ATXN1: variants seen among roughly 807,000 people sequenced by gnomAD.
ATXN1 encodes ataxin-1.
Under a neutral mutation model 56.4 loss-of-function variants are expected in ATXN1, and 8 were observed. The ratio of observed to expected loss-of-function variants is 0.14; its 90% CI spans 0.08 to 0.26. The LOEUF (loss-of-function observed/expected upper bound fraction) is 0.26. ATXN1 is among the 10% of genes least tolerant of loss of function. ATXN1 has a pLI of 1.00. For missense variants in ATXN1, 987 were observed against 1,106.5 expected (o/e 0.89, Z 1.53); for synonymous variants, 514 against 494.6 (o/e 1.04, Z -0.52).
chr6:16,319,021 A>G (rs2113394487), intron 7 of ATXN1, among the ~76,000 whole-genome samples: 1 of 152,268 alleles, frequency 6.6e-6, no homozygotes, highest in African/African-American at 2.4e-5. Context: ...GTTCAAGAGC[A>G]GCCTGGGCAA....
chr6:16,479,934 T>C (rs1236246336), intron 6 of ATXN1, among the ~76,000 whole-genome samples: 2 of 152,030 alleles, frequency 1.3e-5, no homozygotes, highest in African/African-American at 2.4e-5. Context: ...GGCAGATCAC[T>C]TGAGCTCAAG....
At chr6:16,738,438 C>G (rs918260813) in intron 2 of ATXN1, 4 of 152,060 alleles carry the variant, frequency 2.6e-5, no homozygotes, top group South Asian at 2.1e-4. Flanking sequence ...AGGGAGCCAT[C>G]ATGAGGAGAA....
rs182107266 is a variant in ATXN1, at chr6:16,713,712, C to T, written c.-615+39521G>A. 2.4e-4 allele frequency among the ~76,000 whole-genome samples: 36 copies of T among 152,314 alleles called. 1 individual carries two copies. The East Asian group carries it at 4.4e-3, about 19-fold the overall frequency. On this transcript the variant is annotated intron_variant, in intron 2 of 7. Coordinates refer to ENST00000436367, the MANE Select transcript of ATXN1 (RefSeq NM_001128164.2). Reference sequence around the variant, plus strand: ...CCTGGGGCCAGCAGCATCAGTTTCACGGAGGGATTTGTCAGAAATACATAT... The same window carrying T: ...CCTGGGGCCAGCAGCATCAGTTTCATGGAGGGATTTGTCAGAAATACATAT...
At chr6:16,735,659 C>T (rs903233183) in intron 2 of ATXN1, among the ~76,000 whole-genome samples, 1 of 152,084 alleles carries the variant, frequency 6.6e-6, no homozygotes, top group African/African-American at 2.4e-5. Context: ...CTACCACTCA[C>T]CTGTAGGTGT....
intron 2 of ATXN1, chr6:16,738,627 T>C (rs1234138892): frequency 1.3e-5 from 2 of 152,222 alleles, no homozygotes; most frequent in African/African-American, 4.8e-5. Context: ...CTGAATTATT[T>C]ATAGTTGCAA....
chr6:16,528,190 A>C (rs1191983537), intron 4 of ATXN1, among the ~76,000 whole-genome samples: 1 of 151,698 alleles, frequency 6.6e-6, no homozygotes, highest in Non-Finnish European at 1.5e-5. Flanking sequence ...AATCCCAGCT[A>C]CTCGGGAGGC....
chr6:16,605,854 G>A (rs952957691), intron 3 of ATXN1, among the ~76,000 whole-genome samples: 2 of 152,194 alleles, frequency 1.3e-5, no homozygotes, highest in Admixed American at 6.5e-5. Flanking sequence ...CTGACCAGGT[G>A]TAGTGTCTCA....
intron 5 of ATXN1, among the ~76,000 whole-genome samples, chr6:16,491,080 G>A (rs866984982): frequency 3.4e-5 from 5 of 145,122 alleles, no homozygotes; most frequent in Admixed American, 1.4e-4. Flanking sequence ...GAAGTTAGAC[G>A]GATCCCTGGA....
chr6:16,645,435 T>C (rs994961944), intron 3 of ATXN1, among the ~76,000 whole-genome samples: 4 of 152,190 alleles, frequency 2.6e-5, no homozygotes, highest in Admixed American at 2.6e-4. Flanking sequence ...GGGCTTTCGT[T>C]TCCTTAAAAG....
intron 4 of ATXN1, among the ~76,000 whole-genome samples, chr6:16,553,059 G>A (rs1441862865): frequency 2.6e-5 from 4 of 152,184 alleles, no homozygotes; most frequent in Non-Finnish European, 5.9e-5. Context: ...TTCCGCTTTC[G>A]TTCAGGCTAT....
rs536721649 is a variant in ATXN1, at chr6:16,760,196, G to A, written c.-730+1102C>T. 1.3e-5 allele frequency among the ~76,000 whole-genome samples: 2 copies of A among 151,928 alleles called. No individual in the cohort carries two copies. Among genetic ancestry groups the A allele is most frequent in the African/African-American group, 4.8e-5 (2 of 41,476 alleles). On this transcript the variant is annotated intron_variant, in intron 1 of 7. Coordinates refer to ENST00000436367, the MANE Select transcript of ATXN1 (RefSeq NM_001128164.2). The surrounding 1 kb of genome is among the most constrained non-coding windows in gnomAD (Gnocchi z 5.3). ...GCCCGGCCCAGAGTGAACGAGCAGT[G>A]GGGCTCCAGGGCGCATCCCAATCCC... is the stretch of plus-strand genomic sequence containing the variant.
At chr6:16,308,368 A>T (rs142981911) in intron 7 of ATXN1, among the ~76,000 whole-genome samples, 18 of 139,710 alleles carry the variant, frequency 1.3e-4, no homozygotes, top group East Asian at 8.0e-4. Flanking sequence ...ACACACACAC[A>T]CTTCCTGGGT....
chr6:16,520,318 C>G (rs1333588008), intron 5 of ATXN1, among the ~76,000 whole-genome samples: 1 of 152,140 alleles, frequency 6.6e-6, no homozygotes, highest in Admixed American at 6.5e-5. Context: ...TGGCTTCTAT[C>G]TGTGTTTAGT....
At chr6:16,729,452 T>A (rs1327271662) in intron 2 of ATXN1, among the ~76,000 whole-genome samples, 3 of 152,204 alleles carry the variant, frequency 2.0e-5, no homozygotes, top group Non-Finnish European at 4.4e-5. Context: ...ACCCTGAAAC[T>A]GCATCTGGGA....
At chr6:16,579,307 G>A (rs1762480473) in intron 4 of ATXN1, among the ~76,000 whole-genome samples, 1 of 152,168 alleles carries the variant, frequency 6.6e-6, no homozygotes, top group South Asian at 2.1e-4. Flanking sequence ...GGGGAAAACA[G>A]AAACAGTGAC....
At chr6:16,386,145 C>G (rs1015388995) in intron 6 of ATXN1, among the ~76,000 whole-genome samples, 1 of 152,146 alleles carries the variant, frequency 6.6e-6, no homozygotes, top group Admixed American at 6.5e-5. Flanking sequence ...TTATTTTTTC[C>G]AGCAAAGAAG....
chr6:16,444,053 T>C (rs536946597), intron 6 of ATXN1, among the ~76,000 whole-genome samples: 3 of 151,600 alleles, frequency 2.0e-5, no homozygotes, highest in Non-Finnish European at 2.9e-5. Flanking sequence ...GAGGTGGAGC[T>C]TGCAGTGAGC....
Position 16,358,699 on chromosome 6 carries a change from G to T in ATXN1, c.-160-30229C>A, listed in dbSNP as rs111516255. 2.8e-3 allele frequency among the ~76,000 whole-genome samples: 434 copies of T among 152,320 alleles called. 6 individuals are homozygous for T. Among genetic ancestry groups the T allele is most frequent in the African/African-American group, 9.4e-3 (392 of 41,576 alleles). On this transcript the variant is annotated intron_variant, in intron 6 of 7. Coordinates refer to ENST00000436367, the MANE Select transcript of ATXN1 (RefSeq NM_001128164.2). ...GCGTGCCACTGCAGCCACCTGAACTGCAGCTGCAGACCCAGGCCTCCTGCT... is the reference window on the plus strand; with the variant it reads ...GCGTGCCACTGCAGCCACCTGAACTTCAGCTGCAGACCCAGGCCTCCTGCT...
chr6:16,353,595 AC>A (rs1465895307), intron 6 of ATXN1, among the ~76,000 whole-genome samples: 4 of 152,082 alleles, frequency 2.6e-5, no homozygotes, highest in Non-Finnish European at 5.9e-5. Flanking sequence ...AATCACTTGA[AC>A]CTGGGAGGCG....
Sources: allele counts gnomAD v4.1 joint callset (sites outside exome capture counted in the v4.1 genomes callset), GRCh38; gene constraint gnomAD v4.1.1; non-coding constraint Gnocchi (gnomAD v3.1); transcripts MANE v1.5; gene names NCBI Gene and HGNC (gene_info 2026-07-23, HGNC 2026-07-21).